The following MYO1D variants were observed in gnomAD, a reference collection of about 807,000 sequenced individuals.
MYO1D encodes myosin ID.
In MYO1D, 83 loss-of-function variants were observed where a neutral mutation model predicts 122.0. The observed-to-expected ratio is 0.68, with a 90% CI of 0.57 to 0.82. MYO1D has a LOEUF of 0.82. Among genes scored for constraint, MYO1D ranks in the 40% least tolerant of loss-of-function variants. The probability of loss-of-function intolerance (pLI) is 0.00; values close to 1 mark genes in which losing one functional copy is unlikely to be tolerated. For missense variants in MYO1D, 1,157 were observed against 1,269.5 expected (o/e 0.91, Z 1.35); for synonymous variants, 464 against 446.9 (o/e 1.04, Z -0.48).
chr17:32,708,830 A>G (rs2089340127), intron 16 of MYO1D, among the ~76,000 whole-genome samples: 1 of 152,218 alleles, frequency 6.6e-6, no homozygotes, highest in Admixed American at 6.5e-5. Context: ...TTTTGAAGCC[A>G]CTGTCCCTTC....
chr17:32,784,543 G>T (rs965543928), intron 1 of MYO1D, among the ~76,000 whole-genome samples: 4 of 151,862 alleles, frequency 2.6e-5, no homozygotes, highest in African/African-American at 9.7e-5. Context: ...TATTAAAAGG[G>T]ACATATATTT....
At chr17:32,750,550 G>A (rs879802040) in intron 11 of MYO1D, among the ~76,000 whole-genome samples, 1 of 152,136 alleles carries the variant, frequency 6.6e-6, no homozygotes, top group Non-Finnish European at 1.5e-5. Context: ...GGGAGGCAGA[G>A]CTTGTAGTGA....
chr17:32,511,316 C>T (rs1235543684), intron 21 of MYO1D, among the ~76,000 whole-genome samples: 4 of 151,986 alleles, frequency 2.6e-5, no homozygotes, highest in Admixed American at 6.6e-5. Flanking sequence ...CTCAAACGCC[C>T]GAGCTCAAGC....
At chr17:32,506,406 T>C (rs1236812277) in intron 21 of MYO1D, among the ~76,000 whole-genome samples, 1 of 152,012 alleles carries the variant, frequency 6.6e-6, no homozygotes, top group Non-Finnish European at 1.5e-5. Context: ...GGGAGACTCA[T>C]GAACTTGAGG....
chr17:32,590,019 A>C (rs913764616), intron 21 of MYO1D, among the ~76,000 whole-genome samples: 2 of 152,122 alleles, frequency 1.3e-5, no homozygotes, highest in African/African-American at 4.8e-5. Context: ...TTAAGTGAAA[A>C]ATTATTTTGC....
intron 21 of MYO1D, among the ~76,000 whole-genome samples, chr17:32,567,218 A>G (rs1378741347): frequency 1.3e-5 from 2 of 152,236 alleles, no homozygotes; most frequent in Non-Finnish European, 2.9e-5. Flanking sequence ...TCCTGAGGAC[A>G]GGAACCTTGT....
At chr17:32,834,267 CTCAT>C (rs1276788891) in intron 1 of MYO1D, among the ~76,000 whole-genome samples, 33 of 152,274 alleles carry the variant, frequency 2.2e-4, no homozygotes, top group Non-Finnish European at 4.4e-5. Flanking sequence ...TAACAAATTG[CTCAT>C]TCATTCATTA....
intron 21 of MYO1D, among the ~76,000 whole-genome samples, chr17:32,547,216 TC>T (rs752326273): frequency 1.3e-4 from 20 of 152,150 alleles, no homozygotes; most frequent in Non-Finnish European, 2.4e-4. Flanking sequence ...CGAGAACTCA[TC>T]TAACTCAAAG....
intron 1 of MYO1D, among the ~76,000 whole-genome samples, chr17:32,873,649 T>C (rs552245195): frequency 2.0e-5 from 3 of 152,316 alleles, no homozygotes; most frequent in South Asian, 2.1e-4. Flanking sequence ...TCAGAATTTA[T>C]AGTTTCAGAG....
At chr17:32,651,597 G>A (rs1235917867) in intron 19 of MYO1D, among the ~76,000 whole-genome samples, 1 of 151,084 alleles carries the variant, frequency 6.6e-6, no homozygotes, top group African/African-American at 2.4e-5. Context: ...GTCTTTCCTT[G>A]CTTGATGTCC....
At chr17:32,874,304 C>CTCTCTCTCTGTGTCTCTG (rs1555550661) in intron 1 of MYO1D, among the ~76,000 whole-genome samples, 5 of 149,160 alleles carry the variant, frequency 3.4e-5, no homozygotes, top group Admixed American at 6.7e-5. Context: ...GTCTCTGTCT[C>CTCTCTCTCTGTGTCTCTG]TCTCTCTCTC....
intron 13 of MYO1D, 63 bp downstream of exon 13, chr17:32,745,148 G>T: frequency 1.1e-6 from 1 of 881,392 alleles, no homozygotes; most frequent in Non-Finnish European, 1.8e-6. Context: ...ATATAACCAT[G>T]TGCATATATT....
chr17:32,724,041 T>A (rs945814275), intron 14 of MYO1D, among the ~76,000 whole-genome samples: 5 of 152,164 alleles, frequency 3.3e-5, no homozygotes, highest in African/African-American at 9.7e-5. Context: ...AGCATCTATA[T>A]TGGGGGAACA....
chr17:32,801,079 C>A (rs777301762), intron 1 of MYO1D, among the ~76,000 whole-genome samples: 2 of 152,124 alleles, frequency 1.3e-5, no homozygotes, highest in Non-Finnish European at 2.9e-5. Context: ...CAATCTTGCT[C>A]ATTTAAGCAG....
At chr17:32,717,338 T>C (rs1025739764) in intron 15 of MYO1D, among the ~76,000 whole-genome samples, 1 of 152,256 alleles carries the variant, frequency 6.6e-6, no homozygotes, top group Non-Finnish European at 1.5e-5. Flanking sequence ...TTATCTCTAC[T>C]TCTCACTCCC....
intron 1 of MYO1D, among the ~76,000 whole-genome samples, chr17:32,865,008 T>C (rs979171282): frequency 1.1e-4 from 17 of 152,224 alleles, no homozygotes; most frequent in African/African-American, 3.9e-4. Context: ...TAGGTTTTTG[T>C]CTTAATAAGA....
intron 20 of MYO1D, among the ~76,000 whole-genome samples, chr17:32,632,107 A>T (rs1028767263): frequency 6.6e-6 from 1 of 152,222 alleles, no homozygotes; most frequent in African/African-American, 2.4e-5. Context: ...CTTATAAGTG[A>T]GTGAGAAATG....
chr17:32,721,314 A>G, intron 14 of MYO1D, 125 bp from the exon 15 acceptor site: 1 of 852,776 alleles, frequency 1.2e-6, no homozygotes. Flanking sequence ...TCAGGCATAC[A>G]CTTGTGAATA....
At chr17:32,653,040 G>A (rs1402565473) in intron 19 of MYO1D, among the ~76,000 whole-genome samples, 1 of 152,012 alleles carries the variant, frequency 6.6e-6, no homozygotes, top group Non-Finnish European at 1.5e-5. Flanking sequence ...TACTCGGGAG[G>A]CTAAGGCAGG....
Sources: gnomAD v4.1 joint callset for allele counts (sites outside exome capture counted in the v4.1 genomes callset) on GRCh38, gnomAD v4.1.1 for gene constraint, MANE v1.5 for transcripts, NCBI Gene and HGNC (gene_info 2026-07-23, HGNC 2026-07-21) for gene names.